SLC4A4: variants seen among roughly 807,000 people sequenced by gnomAD.
SLC4A4 encodes electrogenic sodium bicarbonate cotransporter 1.
In SLC4A4, 27 loss-of-function variants were observed where a neutral mutation model predicts 111.5. That is an observed-to-expected ratio of 0.24 (90% CI 0.18 to 0.33). The LOEUF (loss-of-function observed/expected upper bound fraction) is 0.33. Ranked by LOEUF, SLC4A4 falls within the 10% of genes least tolerant of loss-of-function variation. The pLI is 1.00. For missense variants in SLC4A4, 909 were observed against 1,315.5 expected, an observed-to-expected ratio of 0.69 and a Z score of 4.78; for synonymous variants, 443 against 463.4, an observed-to-expected ratio of 0.96 and a Z score of 0.57.
chr4:71,327,939 T>C lies in SLC4A4; in HGVS notation c.254-11431T>C, dbSNP rs114220784. Among the ~76,000 whole-genome samples, 1,064 of 152,124 alleles carry C rather than the reference T, an allele frequency of 7.0e-3. 2 individuals carry two copies. Among genetic ancestry groups the C allele is most frequent in the Non-Finnish European group, 0.011 (767 of 67,892 alleles). On this transcript the variant is annotated intron_variant, in intron 3 of 25. Coordinates refer to ENST00000264485, the MANE Select transcript of SLC4A4 (RefSeq NM_001098484.3). Reference sequence around the variant, plus strand: ...TACTAGGCCTTATTTATTCTAACTATATTTTTGTACCCATTAACCATCCCC... The same window carrying C: ...TACTAGGCCTTATTTATTCTAACTACATTTTTGTACCCATTAACCATCCCC...
intron 2 of SLC4A4, among the ~76,000 whole-genome samples, chr4:71,142,371 T>C (rs1412756837): frequency 3.9e-5 from 6 of 152,180 alleles, no homozygotes; most frequent in Non-Finnish European, 1.5e-5. Flanking sequence ...TGTTTGGGCG[T>C]TGGCTAAAGT....
intron 6 of SLC4A4, among the ~76,000 whole-genome samples, chr4:71,393,184 G>T (rs1261118253): frequency 1.3e-5 from 2 of 152,046 alleles, no homozygotes; most frequent in Non-Finnish European, 2.9e-5. Flanking sequence ...TCAGACAAGA[G>T]AAATAAATGG....
intron 3 of SLC4A4, among the ~76,000 whole-genome samples, chr4:71,279,468 A>G (rs1723329505): frequency 6.6e-6 from 1 of 152,152 alleles, no homozygotes; most frequent in Non-Finnish European, 1.5e-5. Flanking sequence ...TTATATATCT[A>G]TGTATGTATA....
chr4:71,265,512 T>C (rs1360472148), intron 3 of SLC4A4, among the ~76,000 whole-genome samples: 4 of 152,004 alleles, frequency 2.6e-5, no homozygotes, highest in African/African-American at 9.7e-5. Context: ...GCAGAGGAAG[T>C]AGAAGAATGC....
chr4:71,478,896 G>C (rs1055381709), intron 14 of SLC4A4, among the ~76,000 whole-genome samples: 1 of 151,600 alleles, frequency 6.6e-6, no homozygotes, highest in African/African-American at 2.4e-5. Context: ...CCAAACTTTG[G>C]AAATAAATTT....
intron 1 of SLC4A4, among the ~76,000 whole-genome samples, chr4:71,200,590 G>T (rs1041889649): frequency 6.6e-6 from 1 of 152,116 alleles, no homozygotes; most frequent in Non-Finnish European, 1.5e-5. Context: ...ACAACATAAA[G>T]GATAAGCAAA....
chr4:71,339,012 T>C, intron 3 of SLC4A4: 1 of 1,395,162 alleles, frequency 7.2e-7, no homozygotes, highest in African/African-American at 1.4e-5. Context: ...TGGTTCAAGC[T>C]GGCTTTTGTC....
At chr4:71,521,241 T>G (rs1163458496) in intron 16 of SLC4A4, among the ~76,000 whole-genome samples, 1 of 152,170 alleles carries the variant, frequency 6.6e-6, no homozygotes, top group Non-Finnish European at 1.5e-5. Context: ...TCCTTTATTT[T>G]TTTTAAATGA....
intron 8 of SLC4A4, among the ~76,000 whole-genome samples, chr4:71,442,897 T>TA (rs1192930786): frequency 6.6e-6 from 1 of 151,876 alleles, no homozygotes; most frequent in Admixed American, 6.6e-5. Flanking sequence ...AGCCTCCACT[T>TA]ACAGCTGGAT....
chr4:71,570,691 A>G lies in SLC4A4; in HGVS notation c.*2940A>G, dbSNP rs936884283. On this transcript the variant is annotated 3_prime_UTR_variant, in exon 26 of 26. Coordinates refer to ENST00000264485, the MANE Select transcript of SLC4A4 (RefSeq NM_001098484.3). The stretch of plus-strand genomic sequence containing the variant: ...CAGAAAGTCCTGGCTGTGGTTGCAG[A>G]AACACTGTTGGAAGAAAAGAGATGA... The G allele has an allele frequency of 6.6e-6, 1 of 152,278 alleles. No individual in the cohort carries two copies. Among genetic ancestry groups the G allele is most frequent in the Non-Finnish European group, 1.5e-5 (1 of 67,870 alleles). 9.4% of individuals were successfully genotyped at this position (152,278 alleles called of 1,614,324 possible). A position where few individuals can be genotyped will look rare whatever the true frequency, so the allele number is the denominator to read the frequency against.
chr4:71,101,114 C>A (rs901737314), intron 2 of SLC4A4, among the ~76,000 whole-genome samples: 33 of 152,214 alleles, frequency 2.2e-4, no homozygotes, highest in Admixed American at 1.0e-3. Flanking sequence ...AAAAAATTAG[C>A]CAGGCATGGT....
intron 1 of SLC4A4, among the ~76,000 whole-genome samples, chr4:71,085,512 T>C (rs1340689599): frequency 2.0e-5 from 3 of 152,060 alleles, no homozygotes; most frequent in Non-Finnish European, 4.4e-5. Context: ...TTGCCTAGGT[T>C]TTCTTCTAGG....
intron 12 of SLC4A4, 34 bp from the exon 13 acceptor site, chr4:71,466,409 TG>T (rs778751962): frequency 2.5e-6 from 4 of 1,612,540 alleles, no homozygotes; most frequent in Admixed American, 1.7e-5. Flanking sequence ...AAAAAAGATG[TG>T]TTTCATTTAA....
intron 3 of SLC4A4, among the ~76,000 whole-genome samples, chr4:71,333,559 G>A (rs938442905): frequency 6.6e-6 from 1 of 152,196 alleles, no homozygotes; most frequent in Non-Finnish European, 1.5e-5. Flanking sequence ...TTCAGACAAG[G>A]TCCAAGGGCT....
intron 4 of SLC4A4, 42 bp downstream of exon 4, chr4:71,339,547 C>CAAGGGCAGGGCA (rs771500516): frequency 6.3e-7 from 1 of 1,598,792 alleles, no homozygotes. Flanking sequence ...CCCAGGGAAA[C>CAAGGGCAGGGCA]AAGGGCAGGG....
chr4:71,513,359 A>G (rs2149178505), intron 16 of SLC4A4, among the ~76,000 whole-genome samples: 1 of 152,138 alleles, frequency 6.6e-6, no homozygotes, highest in East Asian at 1.9e-4. Context: ...GGTTAAATTT[A>G]TTCCTAGGTA....
intron 3 of SLC4A4, among the ~76,000 whole-genome samples, chr4:71,320,764 T>C (rs1205329365): frequency 3.3e-5 from 5 of 152,020 alleles, no homozygotes; most frequent in Admixed American, 2.0e-4. Flanking sequence ...ATCTAAGTTT[T>C]ATGATCGATA....
intron 4 of SLC4A4, among the ~76,000 whole-genome samples, chr4:71,340,972 G>A (rs78085104): frequency 2.6e-5 from 4 of 152,078 alleles, no homozygotes; most frequent in African/African-American, 9.7e-5. Context: ...ATATTCTCCA[G>A]GTGAATCTTC....
intron 2 of SLC4A4, among the ~76,000 whole-genome samples, chr4:71,165,923 G>T (rs557313217): frequency 1.3e-5 from 2 of 152,148 alleles, no homozygotes; most frequent in East Asian, 1.9e-4. Flanking sequence ...TGTTTTTTAG[G>T]AGCTTCCAGA....
Sources: allele counts gnomAD v4.1 joint callset (sites outside exome capture counted in the v4.1 genomes callset), GRCh38; gene constraint gnomAD v4.1.1; transcripts MANE v1.5; gene names NCBI Gene and HGNC (gene_info 2026-07-23, HGNC 2026-07-21).